TRAPPC9: variants seen among roughly 807,000 people sequenced by gnomAD.
The protein encoded by TRAPPC9 is IKK2 binding protein.
TRAPPC9 carries 83 observed loss-of-function variants against 124.0 expected under a neutral mutation model. The ratio of observed to expected loss-of-function variants is 0.67; its 90% confidence interval spans 0.56 to 0.80. TRAPPC9 has a LOEUF of 0.80. Ranked by LOEUF, TRAPPC9 falls within the 30% of genes least tolerant of loss-of-function variation. The pLI is 0.00. For missense variants in TRAPPC9, 1,302 were observed against 1,508.3 expected (o/e 0.86, Z 2.27); for synonymous variants, 638 against 617.5 (o/e 1.03, Z -0.49).
At chr8:139,859,774 A>C (rs531460061) in intron 21 of TRAPPC9, among the ~76,000 whole-genome samples, 66 of 152,368 alleles carry the variant, frequency 4.3e-4, no homozygotes, top group African/African-American at 1.5e-3. Context: ...GCCATCGTCA[A>C]GGGAGCTCTG....
chr8:140,144,555 C>A (rs184439072), intron 17 of TRAPPC9, among the ~76,000 whole-genome samples: 29 of 152,264 alleles, frequency 1.9e-4, no homozygotes, highest in African/African-American at 6.5e-4. Context: ...GCAGTGCAAT[C>A]TCAGCTCACT....
intron 17 of TRAPPC9, among the ~76,000 whole-genome samples, chr8:140,198,337 C>T (rs964862607): frequency 1.3e-5 from 2 of 152,154 alleles, no homozygotes; most frequent in Non-Finnish European, 2.9e-5. Context: ...TTAGGAGTCA[C>T]GCAGATGGAG....
chr8:140,308,142 A>T (rs1346527664), intron 10 of TRAPPC9, among the ~76,000 whole-genome samples: 1 of 152,056 alleles, frequency 6.6e-6, no homozygotes, highest in East Asian at 1.9e-4. Context: ...ATAAAGCCTC[A>T]ACGAAGGAAC....
At chr8:140,201,940 G>A (rs2062800819) in intron 17 of TRAPPC9, among the ~76,000 whole-genome samples, 1 of 152,150 alleles carries the variant, frequency 6.6e-6, no homozygotes, top group Non-Finnish European at 1.5e-5. Context: ...TACCATCAGA[G>A]CTATGGCAGG....
chr8:140,251,856 G>C (rs771005002), intron 16 of TRAPPC9, among the ~76,000 whole-genome samples: 1 of 152,144 alleles, frequency 6.6e-6, no homozygotes, highest in Non-Finnish European at 1.5e-5. Context: ...AAATCACCAC[G>C]GCTGACAGTC....
chr8:139,772,086 C>T (rs2130451299), intron 21 of TRAPPC9, among the ~76,000 whole-genome samples: 1 of 152,332 alleles, frequency 6.6e-6, no homozygotes, highest in African/African-American at 2.4e-5. Flanking sequence ...ATCTATCTAG[C>T]CCGCCAACCT....
In TRAPPC9 at chr8:140,439,171, C is replaced by T. The variant is rs918171653; in HGVS notation, c.611G>A (p.Arg204His). Reference protein sequence around the residue: ...SRHYKKRCQGRMRKHVGDLCL... With the variant: ...SRHYKKRCQGHMRKHVGDLCL... ...CAGGTCCCCCACGTGCTTCCGCATG[C>T]GGCCTTGGCACCGCTTCTTGTAATG... is the stretch of plus-strand genomic sequence containing the variant. Residue 204 changes from arginine to histidine, a missense_variant, in exon 3 of 23, where the codon CGC (arginine) becomes CAC (histidine). Arg to His is a conservative substitution (Grantham distance 29). Around this residue, in one of 3 missense-constraint regions of TRAPPC9, gnomAD observed 657 missense variants for 811.2 expected, o/e 0.81. Coordinates refer to ENST00000438773, the MANE Select transcript of TRAPPC9 (RefSeq NM_001160372.4). The T allele has an allele frequency of 4.3e-6, 7 of 1,614,052 alleles. No individual in the cohort carries two copies. The highest frequency in any genetic ancestry group is 2.2e-5 in the East Asian group (1 of 44,900).
chr8:140,292,140 C>T (rs1197024251), intron 11 of TRAPPC9, among the ~76,000 whole-genome samples: 1 of 151,988 alleles, frequency 6.6e-6, no homozygotes, highest in African/African-American at 2.4e-5. Flanking sequence ...TTCCATCACC[C>T]CCTCCTCCCT....
At chr8:140,246,202 C>T (rs951782479) in intron 16 of TRAPPC9, among the ~76,000 whole-genome samples, 1 of 152,204 alleles carries the variant, frequency 6.6e-6, no homozygotes, top group Non-Finnish European at 1.5e-5. Context: ...CTTCTTCAGG[C>T]GGAGCCCTTC....
At chr8:140,046,676 T>A (rs1309796835) in intron 17 of TRAPPC9, among the ~76,000 whole-genome samples, 3 of 152,260 alleles carry the variant, frequency 2.0e-5, no homozygotes, top group Non-Finnish European at 4.4e-5. Context: ...TTGCACTTTC[T>A]AAATAATACA....
At chr8:140,043,958 C>T (rs1358416893) in intron 17 of TRAPPC9, among the ~76,000 whole-genome samples, 2 of 152,198 alleles carry the variant, frequency 1.3e-5, no homozygotes, top group Non-Finnish European at 2.9e-5. Flanking sequence ...GGCCTGCCTA[C>T]AGCCAGGTCA....
intron 7 of TRAPPC9, among the ~76,000 whole-genome samples, chr8:140,373,894 C>A (rs887692474): frequency 1.3e-5 from 2 of 152,154 alleles, no homozygotes; most frequent in Non-Finnish European, 1.5e-5. Flanking sequence ...CTGAGTCGTA[C>A]GAGTTCTGTA....
At chr8:139,880,288 C>A (rs917580923) in intron 21 of TRAPPC9, among the ~76,000 whole-genome samples, 1 of 152,148 alleles carries the variant, frequency 6.6e-6, no homozygotes, top group Non-Finnish European at 1.5e-5. Flanking sequence ...ATGCCAAGGG[C>A]CTCTTAAGTG....
chr8:139,768,470 C>T (rs538223640), intron 21 of TRAPPC9, among the ~76,000 whole-genome samples: 1 of 152,280 alleles, frequency 6.6e-6, no homozygotes, highest in Non-Finnish European at 1.5e-5. Context: ...AAGACCCTGG[C>T]CATATTTTCA....
chr8:139,793,767 A>T (rs7816565), intron 21 of TRAPPC9, among the ~76,000 whole-genome samples: 38,659 of 152,038 alleles, frequency 0.25, 7,160 homozygotes, highest in African/African-American at 0.51. Flanking sequence ...CCACATGGAG[A>T]CCCAGATCCA....
At chr8:140,220,945 C>A (rs1055365258) in intron 17 of TRAPPC9, among the ~76,000 whole-genome samples, 2 of 152,170 alleles carry the variant, frequency 1.3e-5, no homozygotes, top group African/African-American at 4.8e-5. Flanking sequence ...AACCCCGGAG[C>A]ACTTGTGTAG....
chr8:139,734,098 G>A (rs957696543), intron 21 of TRAPPC9, among the ~76,000 whole-genome samples: 3 of 152,232 alleles, frequency 2.0e-5, no homozygotes, highest in African/African-American at 4.8e-5. Flanking sequence ...AATTCCCAGC[G>A]AGTCCTGGCT....
In TRAPPC9 at chr8:140,395,767, C is replaced by T. The variant is rs536021973; in HGVS notation, c.1134+1853G>A. Among the ~76,000 whole-genome samples, 8 of 152,266 alleles carry T rather than the reference C, an allele frequency of 5.3e-5. No individual in the cohort carries two copies. The South Asian group carries it at 1.7e-3, about 32-fold the overall frequency. ...AAGTCTCTCTCCTCTCTCCTCCACC[C>T]CCTGCCCTGTCTCTCGCCTGAGCCC... On this transcript the variant is annotated intron_variant, in intron 7 of 22. Transcript: ENST00000438773.
chr8:139,817,045 AACACACACACACAC>A (rs1228353322), intron 21 of TRAPPC9, among the ~76,000 whole-genome samples: 2 of 135,388 alleles, frequency 1.5e-5, no homozygotes, highest in South Asian at 5.0e-4. Flanking sequence ...ACATAAACTA[AACACACACACACAC>A]ACACACACAC....
Sources: allele counts gnomAD v4.1 joint callset (sites outside exome capture counted in the v4.1 genomes callset), GRCh38; gene constraint gnomAD v4.1.1; regional missense constraint gnomAD v4.1.1; transcripts MANE v1.5; gene names NCBI Gene and HGNC (gene_info 2026-07-23, HGNC 2026-07-21).